TIAM1: variants seen among roughly 807,000 people sequenced by gnomAD.
TIAM1 encodes the protein rho guanine nucleotide exchange factor TIAM1.
TIAM1 carries 65 observed loss-of-function variants against 163.5 expected under a neutral mutation model. The observed-to-expected ratio is 0.40, with a 90% CI of 0.33 to 0.49. The LOEUF is 0.49. Among genes scored for constraint, TIAM1 ranks in the 20% least tolerant of loss-of-function variants. The pLI is 0.77. For missense variants in TIAM1, 1,789 were observed against 2,044.7 expected, an observed-to-expected ratio of 0.87 and a Z score of 2.41; for synonymous variants, 833 against 810.1, an observed-to-expected ratio of 1.03 and a Z score of -0.48.
At chr21:31,127,183 G>A in intron 25 of TIAM1, 31 bp from the exon 26 acceptor site, 5 of 1,599,034 alleles carry the variant, frequency 3.1e-6, no homozygotes, top group Non-Finnish European at 4.3e-6. Flanking sequence ...ATGAATCAGG[G>A]TATGTTTCAA....
chr21:31,350,581 T>G (rs2076218458), intron 2 of TIAM1, among the ~76,000 whole-genome samples: 1 of 152,122 alleles, frequency 6.6e-6, no homozygotes, highest in Non-Finnish European at 1.5e-5. Context: ...TCGCAAGATC[T>G]GGTTGTATAA....
intron 1 of TIAM1, among the ~76,000 whole-genome samples, chr21:31,507,442 A>C (rs903989394): frequency 6.6e-6 from 1 of 151,650 alleles, no homozygotes; most frequent in Non-Finnish European, 1.5e-5. Context: ...CCTGACCTCA[A>C]GTGATCTGCC....
Position 31,118,598 on chromosome 21 carries a change from G to C in TIAM1, c.*1770C>G. On this transcript the variant is annotated 3_prime_UTR_variant, in exon 28 of 28. Transcript: ENST00000541036. ...CCCTCTCCAAGCACCAGACTTCCGA[G>C]TGTTTTCAGATGGATGTGTTGCACT... 2.1e-6 allele frequency: 1 copy of C among 471,614 alleles called. No individual in the cohort carries two copies. The highest frequency in any genetic ancestry group is 4.4e-6 in the Non-Finnish European group (1 of 227,182). 29.2% of individuals were successfully genotyped at this position (471,614 alleles called of 1,614,324 possible). A position where few individuals can be genotyped will look rare whatever the true frequency, so the allele number is the denominator to read the frequency against.
chr21:31,252,199 A>G lies in TIAM1; in HGVS notation c.964-10T>C. On this transcript the variant is annotated splice_polypyrimidine_tract_variant and intron_variant, in intron 4 of 27. Transcript: ENST00000541036. ...CGCCTGCATTAACATCCTTGGGAGC[A>G]GAAAGAGAGAGCAAAGAAGACAAGC... is the stretch of plus-strand genomic sequence containing the variant. 2 of 1,597,498 alleles carry G rather than the reference A, an allele frequency of 1.3e-6. No individual in the cohort carries two copies. The highest frequency in any genetic ancestry group is 1.7e-6 in the Non-Finnish European group (2 of 1,176,782).
chr21:31,124,613 G>T lies in TIAM1; in HGVS notation c.4215C>A (p.Thr1405=). 6.2e-7 allele frequency: 1 copy of T among 1,613,860 alleles called. No homozygotes were observed. Among genetic ancestry groups the T allele is most frequent in the East Asian group, 2.2e-5 (1 of 44,878 alleles). Residue 1405 remains threonine, a synonymous_variant, in exon 27 of 28, where the codon ACC becomes ACA. Transcript: ENST00000541036. ...RDKHRRQLLK[T]ESLPSSQQYV... is the part of the protein sequence containing the mutation. ...ATTGCTGGGATGAGGGAAGGCTCTC[G>T]GTTTTGAGGAGCTGTCTTCTGTGCT...
At chr21:31,496,507 G>C (rs1419575111) in intron 1 of TIAM1, among the ~76,000 whole-genome samples, 1 of 150,542 alleles carries the variant, frequency 6.6e-6, no homozygotes, top group Non-Finnish European at 1.5e-5. Context: ...TTGTACAGCT[G>C]TGCATTGAGC....
Position 31,120,273 on chromosome 21 carries a change from G to C in TIAM1, c.*95C>G. ...GCCAAAACCGTGTGTGCAAGAGCGC[G>C]ACCTAAGGGGACATTCTTGTCGACG... On this transcript the variant is annotated 3_prime_UTR_variant, in exon 28 of 28. Coordinates refer to ENST00000541036, the MANE Select transcript of TIAM1 (RefSeq NM_001353694.2). This position sits in a 1 kb window ranked among gnomAD's most constrained non-coding sequence, Gnocchi z 4.2. The C allele has an allele frequency of 7.7e-7, 1 of 1,294,212 alleles. No homozygotes were observed. Among genetic ancestry groups the C allele is most frequent in the Middle Eastern group, 2.8e-4 (1 of 3,636 alleles). The allele number at this position is 1,294,212 out of a possible 1,614,324, so 80.2% of individuals were successfully genotyped here.
At chr21:31,475,064 T>TTATTATC (rs2045894907) in intron 1 of TIAM1, among the ~76,000 whole-genome samples, 1 of 82,398 alleles carries the variant, frequency 1.2e-5, no homozygotes, top group African/African-American at 5.0e-5. Flanking sequence ...TATTATTATT[T>TTATTATC]AGTTTTAGAC....
chr21:31,519,742 G>A (rs1010259815), intron 1 of TIAM1, among the ~76,000 whole-genome samples: 3 of 152,130 alleles, frequency 2.0e-5, no homozygotes, highest in Non-Finnish European at 2.9e-5. Context: ...GGAAATTCTG[G>A]CACGCACTGC....
chr21:31,315,442 G>A (rs929262148), intron 2 of TIAM1, among the ~76,000 whole-genome samples: 1 of 151,854 alleles, frequency 6.6e-6, no homozygotes, highest in Non-Finnish European at 1.5e-5. Flanking sequence ...GTGAACCCGG[G>A]AGGCGGAGCT....
chr21:31,132,081 G>A (rs1202770948), intron 23 of TIAM1, among the ~76,000 whole-genome samples: 2 of 152,224 alleles, frequency 1.3e-5, no homozygotes, highest in African/African-American at 4.8e-5. Context: ...TCACACAGCG[G>A]CTGAAGGAGG....
At chr21:31,192,991 T>C (rs2284481) in intron 13 of TIAM1, among the ~76,000 whole-genome samples, 27,124 of 152,056 alleles carry the variant, frequency 0.18, 3,539 homozygotes, top group East Asian at 0.4. Flanking sequence ...GGCTGTCTGT[T>C]ACCTCAGCTA....
At position 31,233,261 on chromosome 21, in the gene TIAM1, A is replaced by C. The variant is rs1243826211; in HGVS notation, c.1585-7311T>G. Among the ~76,000 whole-genome samples the C allele has an allele frequency of 2.6e-5, 4 of 152,238 alleles. No homozygotes were observed. In the East Asian group the frequency reaches 7.7e-4, roughly 29 times the overall value. On this transcript the variant is annotated intron_variant, in intron 6 of 27. Coordinates refer to ENST00000541036, the MANE Select transcript of TIAM1 (RefSeq NM_001353694.2). Reference sequence around the variant, plus strand: ...AAGTAGGTCAAACGCTTTCATTTTAAAAGAAAAAAAAAGAAAGTTACCATT... The same window carrying C: ...AAGTAGGTCAAACGCTTTCATTTTACAAGAAAAAAAAAGAAAGTTACCATT...
chr21:31,356,501 T>C (rs1367659215), intron 2 of TIAM1, among the ~76,000 whole-genome samples: 5 of 152,102 alleles, frequency 3.3e-5, no homozygotes, highest in Non-Finnish European at 7.4e-5. Context: ...GTGGGGGCCT[T>C]TGGGAGAGGA....
At chr21:31,426,501 G>A (rs1345338616) in intron 2 of TIAM1, among the ~76,000 whole-genome samples, 1 of 152,114 alleles carries the variant, frequency 6.6e-6, no homozygotes, top group Non-Finnish European at 1.5e-5. Flanking sequence ...TGATTGCAGG[G>A]GAAGGAAAGA....
chr21:31,327,757 A>G (rs922803648), intron 2 of TIAM1, among the ~76,000 whole-genome samples: 2 of 152,090 alleles, frequency 1.3e-5, no homozygotes, highest in Non-Finnish European at 1.5e-5. Flanking sequence ...CACCAGTAGG[A>G]TCCAGACTGT....
At chr21:31,167,850 G>GC (rs2084311579) in intron 15 of TIAM1, among the ~76,000 whole-genome samples, 2 of 152,118 alleles carry the variant, frequency 1.3e-5, no homozygotes, top group Admixed American at 1.3e-4. Flanking sequence ...TTAACTGTAA[G>GC]CCCATGATAC....
chr21:31,372,649 G>A (rs1302202839), intron 2 of TIAM1, among the ~76,000 whole-genome samples: 1 of 152,200 alleles, frequency 6.6e-6, no homozygotes, highest in African/African-American at 2.4e-5. Context: ...TAGGTAGCTA[G>A]AGAGGCTATG....
chr21:31,400,562 G>A (rs1435673855), intron 2 of TIAM1, among the ~76,000 whole-genome samples: 2 of 152,154 alleles, frequency 1.3e-5, no homozygotes, highest in African/African-American at 4.8e-5. Flanking sequence ...GCCTTTGAAT[G>A]GATTTTAGCT....
Sources: allele counts gnomAD v4.1 joint callset (sites outside exome capture counted in the v4.1 genomes callset), GRCh38; gene constraint gnomAD v4.1.1; non-coding constraint Gnocchi (gnomAD v3.1); transcripts MANE v1.5; gene names NCBI Gene and HGNC (gene_info 2026-07-23, HGNC 2026-07-21).